The following KCNH7 variants were observed in gnomAD, a reference collection of about 807,000 sequenced individuals.
The protein encoded by KCNH7 is voltage-gated inwardly rectifying potassium channel KCNH7.
In KCNH7, 49 loss-of-function variants were observed where a neutral mutation model predicts 120.8. The ratio of observed to expected loss-of-function variants is 0.41; its 90% CI spans 0.32 to 0.51. The LOEUF (loss-of-function observed/expected upper bound fraction) is 0.51, where lower values mean the gene tolerates loss of function less well. Among genes scored for constraint, KCNH7 ranks in the 20% least tolerant of loss-of-function variants. The pLI, the probability that KCNH7 is intolerant of heterozygous loss-of-function variation, is 0.38. For synonymous variants in KCNH7, 547 were observed against 516.1 expected (o/e 1.06, Z -0.81); for missense variants, 1,097 against 1,446.6 (o/e 0.76, Z 3.92).
chr2:162,534,232 T>C (rs1388242672), intron 3 of KCNH7, among the ~76,000 whole-genome samples: 2 of 151,112 alleles, frequency 1.3e-5, no homozygotes, highest in Non-Finnish European at 3.0e-5. Flanking sequence ...ATCGATGCAA[T>C]GAAAAAGAGG....
intron 2 of KCNH7, among the ~76,000 whole-genome samples, chr2:162,813,398 A>G (rs1684802554): frequency 6.6e-6 from 1 of 152,174 alleles, no homozygotes; most frequent in Non-Finnish European, 1.5e-5. Flanking sequence ...ACTGAAAACT[A>G]GGGAAGAAAA....
intron 6 of KCNH7, among the ~76,000 whole-genome samples, chr2:162,478,085 G>A (rs1470323951): frequency 1.3e-5 from 2 of 152,172 alleles, no homozygotes; most frequent in African/African-American, 4.8e-5. Flanking sequence ...TCAGGTTAAG[G>A]AAGGCATCCT....
intron 3 of KCNH7, among the ~76,000 whole-genome samples, chr2:162,527,593 T>A (rs1003128990): frequency 4.6e-5 from 7 of 152,006 alleles, no homozygotes; most frequent in African/African-American, 1.7e-4. Context: ...GAATAAAATT[T>A]TAATGGTTTA....
intron 2 of KCNH7, among the ~76,000 whole-genome samples, chr2:162,828,714 C>T (rs970102182): frequency 3.9e-5 from 6 of 152,128 alleles, no homozygotes; most frequent in Non-Finnish European, 7.4e-5. Flanking sequence ...GCAAAAGCCA[C>T]GTGGCTCAGG....
chr2:162,594,404 C>T (rs1489995054), intron 2 of KCNH7, among the ~76,000 whole-genome samples: 1 of 151,942 alleles, frequency 6.6e-6, no homozygotes, highest in Non-Finnish European at 1.5e-5. Context: ...TTATAGCTAA[C>T]CTAAATTTAC....
At chr2:162,529,737 C>T (rs1691849614) in intron 3 of KCNH7, among the ~76,000 whole-genome samples, 1 of 151,836 alleles carries the variant, frequency 6.6e-6, no homozygotes, top group Non-Finnish European at 1.5e-5. Flanking sequence ...TTTTCCATTA[C>T]TATTGGCTCC....
intron 2 of KCNH7, among the ~76,000 whole-genome samples, chr2:162,743,115 C>T (rs868731255): frequency 6.6e-6 from 1 of 152,112 alleles, no homozygotes; most frequent in Admixed American, 6.5e-5. Flanking sequence ...CCCACGCTCT[C>T]CCTGTTAGTT....
At chr2:162,472,973 A>T (rs1026420054) in intron 6 of KCNH7, among the ~76,000 whole-genome samples, 1 of 152,054 alleles carries the variant, frequency 6.6e-6, no homozygotes, top group African/African-American at 2.4e-5. Context: ...TCGCAAGGAC[A>T]AAAAACCAAA....
At chr2:162,806,096 G>C (rs1292000917) in intron 2 of KCNH7, among the ~76,000 whole-genome samples, 1 of 152,026 alleles carries the variant, frequency 6.6e-6, no homozygotes, top group Non-Finnish European at 1.5e-5. Flanking sequence ...GGCACGGTGG[G>C]AGGGAGATGT....
In KCNH7 at chr2:162,410,651, G is replaced by C. The variant is rs974575477; in HGVS notation, c.2155-10210C>G. 8.6e-5 allele frequency among the ~76,000 whole-genome samples: 13 copies of C among 151,988 alleles called. 1 individual carries two copies. The highest frequency in any genetic ancestry group is 2.7e-4 in the African/African-American group (11 of 41,406). Reference sequence around the variant, plus strand: ...CACAGCAAAAGAAACTACCAACAGAGTAAACAGAAAACCTACAGAATGGGA... The same window carrying C: ...CACAGCAAAAGAAACTACCAACAGACTAAACAGAAAACCTACAGAATGGGA... On this transcript the variant is annotated intron_variant, in intron 9 of 15. Transcript: ENST00000332142.
At chr2:162,719,601 A>T (rs1338287275) in intron 2 of KCNH7, among the ~76,000 whole-genome samples, 1 of 152,034 alleles carries the variant, frequency 6.6e-6, no homozygotes, top group Non-Finnish European at 1.5e-5. Flanking sequence ...GAACTCCCAG[A>T]CTAGGAAAAC....
chr2:162,554,362 C>CT (rs202171726), intron 2 of KCNH7, among the ~76,000 whole-genome samples: 23 of 150,978 alleles, frequency 1.5e-4, no homozygotes, highest in South Asian at 4.2e-4. Context: ...CCATCATAGC[C>CT]TTTTTTTTTA....
chr2:162,537,993 G>A (rs1233050219), intron 2 of KCNH7: 3 of 152,030 alleles, frequency 2.0e-5, no homozygotes, highest in African/African-American at 7.2e-5. Flanking sequence ...CTCTGAATAT[G>A]CTCTTTAGTC....
chr2:162,463,376 C>A (rs1379049677), intron 6 of KCNH7, among the ~76,000 whole-genome samples: 1 of 151,496 alleles, frequency 6.6e-6, no homozygotes, highest in Non-Finnish European at 1.5e-5. Flanking sequence ...CTTTTTTTCT[C>A]CTTCCACAAT....
chr2:162,434,995 T>G (rs915931400), intron 8 of KCNH7, among the ~76,000 whole-genome samples: 3 of 151,994 alleles, frequency 2.0e-5, no homozygotes, highest in Non-Finnish European at 4.4e-5. Flanking sequence ...TGCCCATAGT[T>G]CCCTAAGGTT....
intron 2 of KCNH7, among the ~76,000 whole-genome samples, chr2:162,823,418 G>A (rs1559150487): frequency 6.6e-6 from 1 of 152,026 alleles, no homozygotes; most frequent in Non-Finnish European, 1.5e-5. Flanking sequence ...AGATACTAGT[G>A]TTCATGAATG....
chr2:162,755,504 GT>G (rs757494417), intron 2 of KCNH7, among the ~76,000 whole-genome samples: 6 of 151,836 alleles, frequency 4.0e-5, no homozygotes, highest in Non-Finnish European at 7.4e-5. Flanking sequence ...AAATCTAAAA[GT>G]TTACCAATTT....
intron 2 of KCNH7, among the ~76,000 whole-genome samples, chr2:162,729,049 A>G (rs1687626438): frequency 6.6e-6 from 1 of 152,100 alleles, no homozygotes; most frequent in Non-Finnish European, 1.5e-5. Flanking sequence ...CATTTGTTTA[A>G]AAGACTGCCC....
chr2:162,395,558 GA>G (rs2105435382), intron 11 of KCNH7, among the ~76,000 whole-genome samples: 1 of 151,786 alleles, frequency 6.6e-6, no homozygotes, highest in South Asian at 2.1e-4. Context: ...GAAGTTATGA[GA>G]GGTAGATATT....
Sources: gnomAD v4.1 joint callset for allele counts (sites outside exome capture counted in the v4.1 genomes callset) on GRCh38, gnomAD v4.1.1 for gene constraint, MANE v1.5 for transcripts, NCBI Gene and HGNC (gene_info 2026-07-23, HGNC 2026-07-21) for gene names.